Variants in ITPR1 observed in about 807,000 individuals in gnomAD.
The protein encoded by ITPR1 is inositol 1,4,5-trisphosphate-gated calcium channel ITPR1.
A neutral mutation model predicts 318.4 loss-of-function variants in ITPR1; 96 were observed. That is an observed-to-expected ratio of 0.30 (90% CI 0.26 to 0.36). The LOEUF (loss-of-function observed/expected upper bound fraction) is 0.36, where lower values mean the gene tolerates loss of function less well. Among genes scored for constraint, ITPR1 ranks in the 10% least tolerant of loss-of-function variants. The pLI is 1.00. For synonymous variants in ITPR1, 1,312 were observed against 1,289.9 expected, an observed-to-expected ratio of 1.02 and a Z score of -0.37; for missense variants, 2,440 against 3,460.2, an observed-to-expected ratio of 0.71 and a Z score of 7.40.
chr3:4,675,847 T>C (rs1341001838), intron 23 of ITPR1, among the ~76,000 whole-genome samples: 1 of 152,232 alleles, frequency 6.6e-6, no homozygotes, highest in Admixed American at 6.5e-5. Context: ...GACTTATCTC[T>C]ATTTGCTAGG....
intron 4 of ITPR1, among the ~76,000 whole-genome samples, chr3:4,616,987 A>G (rs1315875614): frequency 1.3e-5 from 2 of 151,862 alleles, no homozygotes; most frequent in Non-Finnish European, 2.9e-5. Flanking sequence ...TCTTCCCTAC[A>G]GCGTCCTTCT....
chr3:4,539,404 T>C (rs1409645522), intron 4 of ITPR1, among the ~76,000 whole-genome samples: 1 of 152,204 alleles, frequency 6.6e-6, no homozygotes, highest in Non-Finnish European at 1.5e-5. Context: ...TTTCCAATCT[T>C]AGGTGCAATG....
chr3:4,768,912 TTTTTTC>T (rs1575181655), intron 46 of ITPR1, 148 bp downstream of exon 46: 15 of 720,034 alleles, frequency 2.1e-5, no homozygotes, highest in East Asian at 8.6e-5. Context: ...TTCTTTTTTC[TTTTTTC>T]TTTTTTTTTG....
chr3:4,539,802 G>A (rs1181435175), intron 4 of ITPR1, among the ~76,000 whole-genome samples: 1 of 152,104 alleles, frequency 6.6e-6, no homozygotes, highest in African/African-American at 2.4e-5. Context: ...CCATCGCCAT[G>A]GGATACCCTG....
intron 60 of ITPR1, among the ~76,000 whole-genome samples, chr3:4,819,654 A>G: frequency 6.6e-6 from 1 of 152,266 alleles, no homozygotes; most frequent in East Asian, 1.9e-4. Flanking sequence ...CTAGTATTGT[A>G]TTTGGTTGTT....
At chr3:4,698,226 T>G (rs1003364100) in intron 34 of ITPR1, among the ~76,000 whole-genome samples, 2 of 152,210 alleles carry the variant, frequency 1.3e-5, no homozygotes, top group Non-Finnish European at 2.9e-5. Context: ...CATTGTGGTG[T>G]GAAAAAGGTG....
chr3:4,778,522 G>T (rs1055451119), intron 48 of ITPR1, among the ~76,000 whole-genome samples: 3 of 152,220 alleles, frequency 2.0e-5, no homozygotes, highest in Admixed American at 1.3e-4. Flanking sequence ...TTAGAACTGA[G>T]AGTCCACACT....
chr3:4,668,196 G>T, intron 18 of ITPR1, among the ~76,000 whole-genome samples: 1 of 150,310 alleles, frequency 6.7e-6, no homozygotes. Flanking sequence ...CAAACAGTAG[G>T]TCTTATTCGT....
At chr3:4,539,505 T>C (rs2084212345) in intron 4 of ITPR1, among the ~76,000 whole-genome samples, 1 of 152,212 alleles carries the variant, frequency 6.6e-6, no homozygotes, top group South Asian at 2.1e-4. Flanking sequence ...TATTTTGGGC[T>C]TATGGAATTG....
chr3:4,608,238 G>T lies in ITPR1; in HGVS notation c.164-19525G>T, dbSNP rs561559367. On this transcript the variant is annotated intron_variant, in intron 4 of 61. Coordinates refer to ENST00000649015, the MANE Select transcript of ITPR1 (RefSeq NM_001378452.1). ...GTTTGATTTACTCCAGAATCCTCTG[G>T]AGCATTGTATCATTTTAAAACCTTC... Among the ~76,000 whole-genome samples, 3 of 152,200 alleles carry T rather than the reference G, an allele frequency of 2.0e-5. No individual in the cohort carries two copies. The South Asian group carries it at 6.2e-4, about 32-fold the overall frequency.
intron 40 of ITPR1, among the ~76,000 whole-genome samples, chr3:4,721,693 G>T (rs921521607): frequency 3.9e-5 from 6 of 152,142 alleles, no homozygotes; most frequent in Non-Finnish European, 8.8e-5. Context: ...ATTGCATTCG[G>T]TTTCTATCAG....
chr3:4,553,429 T>A (rs186127696), intron 4 of ITPR1, among the ~76,000 whole-genome samples: 3 of 152,164 alleles, frequency 2.0e-5, no homozygotes, highest in Admixed American at 1.3e-4. Context: ...TTCTTGCTAT[T>A]GTTATTATTA....
At chr3:4,583,240 A>G (rs948287163) in intron 4 of ITPR1, among the ~76,000 whole-genome samples, 1 of 152,176 alleles carries the variant, frequency 6.6e-6, no homozygotes, top group Non-Finnish European at 1.5e-5. Context: ...ATGGAAATTC[A>G]TTGTGTCACT....
chr3:4,689,780 A>G (rs936281200), intron 31 of ITPR1, among the ~76,000 whole-genome samples: 1 of 152,242 alleles, frequency 6.6e-6, no homozygotes, highest in Admixed American at 6.5e-5. Context: ...ATTTTCTTAC[A>G]AGGCATGCAA....
intron 4 of ITPR1, among the ~76,000 whole-genome samples, chr3:4,603,852 A>C (rs2091492910): frequency 6.6e-6 from 1 of 152,312 alleles, no homozygotes; most frequent in Non-Finnish European, 1.5e-5. Flanking sequence ...CCTTTGGGTA[A>C]TACGCAGTAA....
intron 29 of ITPR1, 116 bp downstream of exon 29, chr3:4,684,462 A>C: frequency 1.4e-6 from 1 of 733,374 alleles, no homozygotes; most frequent in Non-Finnish European, 2.3e-6. Context: ...CATGTGGTTT[A>C]ACAGGGAGAA....
At chr3:4,683,948 T>A in intron 28 of ITPR1, 150 bp downstream of exon 28, 1 of 791,862 alleles carries the variant, frequency 1.3e-6, no homozygotes, top group Non-Finnish European at 2.0e-6. Flanking sequence ...GCTGTTTGCC[T>A]AGGAAATAAG....
In ITPR1 at chr3:4,815,352, T is replaced by C; in HGVS notation, c.7867+134T>C. 4.0e-6 allele frequency: 3 copies of C among 746,426 alleles called. No homozygotes were observed. In the Admixed American group the frequency reaches 7.7e-5, roughly 19 times the overall value. 46.2% of individuals were successfully genotyped at this position (746,426 alleles called of 1,614,324 possible). ...GGGGGCACCGGCTGCTGCTTCGTCT[T>C]GACTCTTCTACCCTCTGCCGTGAGT... On this transcript the variant is annotated intron_variant, in intron 59 of 61. Transcript: ENST00000649015.
At chr3:4,646,252 T>C (rs1013855020) in intron 10 of ITPR1, among the ~76,000 whole-genome samples, 1 of 152,174 alleles carries the variant, frequency 6.6e-6, no homozygotes, top group South Asian at 2.1e-4. Flanking sequence ...GTAAGAGGCA[T>C]ATTCCACATG....
Sources: gnomAD v4.1 joint callset for allele counts (sites outside exome capture counted in the v4.1 genomes callset) on GRCh38, gnomAD v4.1.1 for gene constraint, MANE v1.5 for transcripts, NCBI Gene and HGNC (gene_info 2026-07-23, HGNC 2026-07-21) for gene names.